Variants in TMOD4 observed in about 807,000 individuals in gnomAD.
TMOD4 encodes the protein tropomodulin 4, also known as tropomodulin-4.
Under a neutral mutation model 45.4 loss-of-function variants are expected in TMOD4, and 34 were observed. That is an observed-to-expected ratio of 0.75 (90% CI 0.57 to 1.00). TMOD4 has a LOEUF of 1.00. Ranked by LOEUF, TMOD4 falls within the 50% of genes least tolerant of loss-of-function variation. The probability of loss-of-function intolerance (pLI) is 0.00; values close to 1 mark genes in which losing one functional copy is unlikely to be tolerated. For synonymous variants in TMOD4, 131 were observed against 153.9 expected (o/e 0.85, Z 1.10); for missense variants, 399 against 437.5 (o/e 0.91, Z 0.78).
At chr1:151,173,359 C>T in intron 4 of TMOD4, 140 bp downstream of exon 4, 1 of 673,040 alleles carries the variant, frequency 1.5e-6, no homozygotes. Context: ...TATAAACAAA[C>T]AAGAAAAGCT....
chr1:151,170,940 C>T lies in TMOD4; in HGVS notation c.850G>A (p.Glu284Lys). 1 of 1,614,158 alleles carries T rather than the reference C, an allele frequency of 6.2e-7. No individual in the cohort carries two copies. Among genetic ancestry groups the T allele is most frequent in the Non-Finnish European group, 8.5e-7 (1 of 1,180,030 alleles). ...KAVRENATLT[E>K]LRVDNQRQWP... is the part of the protein sequence containing the mutation. Reference sequence around the variant, plus strand: ...CTGACCTGATTGTCTACACGGAGCTCAGTGAGTGTGGCATTTTCCCGAACT... The same window carrying T: ...CTGACCTGATTGTCTACACGGAGCTTAGTGAGTGTGGCATTTTCCCGAACT... The change falls in exon 8 of 10, where the codon GAG becomes AAG. Residue 284 changes from glutamate to lysine, a missense_variant. By Grantham distance (56) the Glu-to-Lys change is moderately conservative. Coordinates refer to ENST00000295314, the MANE Select transcript of TMOD4 (RefSeq NM_013353.3).
At chr1:151,170,496 A>G (rs758255949) in intron 9 of TMOD4, 23 bp downstream of exon 9, 1 of 1,613,804 alleles carries the variant, frequency 6.2e-7, no homozygotes, top group South Asian at 1.1e-5. Flanking sequence ...ACCACTCCAC[A>G]CATCATGTCT....
chr1:151,172,639 T>A (rs947898686), intron 4 of TMOD4, among the ~76,000 whole-genome samples: 1 of 151,898 alleles, frequency 6.6e-6, no homozygotes, highest in Non-Finnish European at 1.5e-5. Context: ...TGGTTCCACT[T>A]TTTTTCCCCC....
At position 151,173,980 on chromosome 1, in the gene TMOD4, C is replaced by T. The variant is rs1230671226; in HGVS notation, c.281-365G>A. On this transcript the variant is annotated intron_variant, in intron 3 of 9. Transcript: ENST00000295314. ...CCTGTAATCCCAGCACTTTGGGAGG[C>T]TAAGGCGGGCAGATCACGAGGTCAG... 2.6e-5 allele frequency among the ~76,000 whole-genome samples: 4 copies of T among 152,004 alleles called. 1 individual carries two copies. In the East Asian group the frequency reaches 7.7e-4, roughly 29 times the overall value.
rs780090251 is a variant in TMOD4, at chr1:151,170,068, G to T, written c.*13C>A. 2 of 1,614,098 alleles carry T rather than the reference G, an allele frequency of 1.2e-6. No individual in the cohort carries two copies. Among genetic ancestry groups the T allele is most frequent in the East Asian group, 4.5e-5 (2 of 44,882 alleles). On this transcript the variant is annotated 3_prime_UTR_variant, in exon 10 of 10. Transcript: ENST00000295314. Reference sequence around the variant, plus strand: ...AGTGCTCCCAGCGCTAGTTGGTAAAGGGAAATGCAGTGTTATCTCTTCTTT... The same window carrying T: ...AGTGCTCCCAGCGCTAGTTGGTAAATGGAAATGCAGTGTTATCTCTTCTTT...
chr1:151,171,538 G>A lies in TMOD4; in HGVS notation c.621C>T (p.Asp207=). 1 of 1,614,018 alleles carries A rather than the reference G, an allele frequency of 6.2e-7. No homozygotes were observed. ...GCTCACTTAGCATGGGTATTGGGAT[G>A]TCCTATCGGAGGGGAATAGGAGATG... ...LEEVNLNNIQ[D]IPIPMLSELC... The change falls in exon 7 of 10, where the codon GAC becomes GAT. Residue 207 remains aspartate (D), a splice_region_variant and synonymous_variant. Coordinates refer to ENST00000295314, the MANE Select transcript of TMOD4 (RefSeq NM_013353.3).
intron 9 of TMOD4, 123 bp from the exon 10 acceptor site, chr1:151,170,226 A>C: frequency 9.0e-7 from 1 of 1,111,046 alleles, no homozygotes; most frequent in East Asian, 2.4e-5. Context: ...GCCACCTTAC[A>C]GGCCCATCCC....
intron 4 of TMOD4, 135 bp downstream of exon 4, chr1:151,173,364 A>G: frequency 2.9e-6 from 2 of 684,326 alleles, no homozygotes; most frequent in Non-Finnish European, 5.2e-6. Flanking sequence ...ACAAACAAGA[A>G]AAGCTTGAAA....
chr1:151,173,719 G>A lies in TMOD4; in HGVS notation c.281-104C>T, dbSNP rs190769901. On this transcript the variant is annotated intron_variant, in intron 3 of 9. Transcript: ENST00000295314. ...AGGAGGTAGAATGCTGCGTCACGAA[G>A]GGACACTGGAAAGCCTGAGTCCTCT... 721 of 828,370 alleles carry A rather than the reference G, an allele frequency of 8.7e-4. 5 individuals are homozygous for A. In the African/African-American group the frequency reaches 0.01, roughly 12 times the overall value. The allele number at this position is 828,370 out of a possible 1,614,324, so 51.3% of individuals were successfully genotyped here. A position where few individuals can be genotyped will look rare whatever the true frequency, so the allele number is the denominator to read the frequency against.
Position 151,171,722 on chromosome 1 carries a change from G to A in TMOD4, c.529C>T (p.Pro177Ser), listed in dbSNP as rs772792859. 5.3e-5 allele frequency: 86 copies of A among 1,613,916 alleles called. No individual in the cohort carries two copies. Among genetic ancestry groups the A allele is most frequent in the South Asian group, 2.7e-4 (25 of 91,076 alleles). ...PDKYKPVPDE[P>S]PNPTNIEEIL... is the part of the protein sequence containing the mutation. ...TCCTCAATGTTTGTGGGATTTGGGG[G>A]TTCATCCGGCACTGGCTTATACTTG... The change falls in exon 6 of 10, where the codon CCC becomes TCC. Residue 177 changes from proline (P) to serine (S), a missense_variant. Coordinates refer to ENST00000295314, the MANE Select transcript of TMOD4 (RefSeq NM_013353.3).
chr1:151,170,517 A>G lies in TMOD4; in HGVS notation c.1015+2T>C. On this transcript the variant is annotated splice_donor_variant, in intron 9 of 9. Transcript: ENST00000295314. LOFTEE classifies it high-confidence loss of function. ...CCACACATCATGTCTGCAGTTACTC[A>G]CGTAGTTCATTGTTTCGGGTCATGG... is the stretch of plus-strand genomic sequence containing the variant. 2 of 1,614,144 alleles carry G rather than the reference A, an allele frequency of 1.2e-6. No homozygotes were observed. The highest frequency in any genetic ancestry group is 1.7e-6 in the Non-Finnish European group (2 of 1,180,008).
At chr1:151,170,842 G>T in intron 8 of TMOD4, 78 bp downstream of exon 8, 1 of 1,560,616 alleles carries the variant, frequency 6.4e-7, no homozygotes, top group South Asian at 1.2e-5. Context: ...GATTAAGTAA[G>T]ATAGCTGCCC....
At chr1:151,171,815 C>T (rs1444370657) in intron 5 of TMOD4, 52 bp from the exon 6 acceptor site, 2 of 1,565,846 alleles carry the variant, frequency 1.3e-6, no homozygotes, top group African/African-American at 2.8e-5. Flanking sequence ...ATAATCTCCT[C>T]CCCATTGGTT....
intron 1 of TMOD4, chr1:151,175,226 G>A (rs979181113): frequency 8.7e-5 from 20 of 231,058 alleles, no homozygotes; most frequent in African/African-American, 4.2e-4. Flanking sequence ...CAGTGCCTTC[G>A]CCCTAACACA....
chr1:151,172,982 C>A (rs989440286), intron 4 of TMOD4, among the ~76,000 whole-genome samples: 10 of 152,276 alleles, frequency 6.6e-5, no homozygotes, highest in South Asian at 2.1e-4. Flanking sequence ...CCACCACACC[C>A]AGCTAATTTT....
chr1:151,171,881 G>A (rs1683971738), intron 5 of TMOD4, 118 bp from the exon 6 acceptor site: 1 of 1,337,198 alleles, frequency 7.5e-7, no homozygotes, highest in African/African-American at 1.5e-5. Context: ...TATCCACCTA[G>A]GCTGGAATGC....
At chr1:151,174,698 A>G in intron 2 of TMOD4, 55 bp downstream of exon 2, 1 of 1,611,568 alleles carries the variant, frequency 6.2e-7, no homozygotes, top group Non-Finnish European at 8.5e-7. Flanking sequence ...CCAGAGCCCA[A>G]CACCCTTCCC....
intron 7 of TMOD4, 113 bp downstream of exon 7, chr1:151,171,320 G>T (rs1683947607): frequency 3.9e-6 from 4 of 1,013,542 alleles, no homozygotes; most frequent in African/African-American, 3.1e-5. Flanking sequence ...CATGAGGGCT[G>T]CCCTAAGAAG....
At position 151,174,539 on chromosome 1, in the gene TMOD4, G is replaced by C. The variant is rs2101716250; in HGVS notation, c.132C>G (p.Leu44=). ...ELQEMDPENM[L]LPAGLRQRDQ... ...CACGTTGTCTTAGTCCAGCTGGCAGGAGCATGTTCTTAGGGATGAGTTTTG... is the reference window on the plus strand; with the variant it reads ...CACGTTGTCTTAGTCCAGCTGGCAGCAGCATGTTCTTAGGGATGAGTTTTG... The change falls in exon 3 of 10, where the codon CTC becomes CTG. Residue 44 remains leucine (L), a synonymous_variant. Coordinates refer to ENST00000295314, the MANE Select transcript of TMOD4 (RefSeq NM_013353.3). 1 of 1,613,872 alleles carries C rather than the reference G, an allele frequency of 6.2e-7. No individual in the cohort carries two copies. Among genetic ancestry groups the C allele is most frequent in the East Asian group, 2.2e-5 (1 of 44,878 alleles).
Sources: gnomAD v4.1 joint callset for allele counts (sites outside exome capture counted in the v4.1 genomes callset) on GRCh38, gnomAD v4.1.1 for gene constraint, MANE v1.5 for transcripts, NCBI Gene and HGNC (gene_info 2026-07-23, HGNC 2026-07-21) for gene names.